The following RC3H2 variants were observed in gnomAD, a reference collection of about 807,000 sequenced individuals.
RC3H2 encodes the protein roquin-2.
In RC3H2, 31 loss-of-function variants were observed where a neutral mutation model predicts 133.3. That is an observed-to-expected ratio of 0.23 (90% CI 0.17 to 0.31). The LOEUF is 0.31. Ranked by LOEUF, RC3H2 falls within the 10% of genes least tolerant of loss-of-function variation. The pLI is 1.00. For missense variants in RC3H2, 1,175 were observed against 1,437.2 expected (o/e 0.82, Z 2.95); for synonymous variants, 517 against 502.2 (o/e 1.03, Z -0.40).
chr9:122,852,221 C>T (rs1183303121), intron 18 of RC3H2, among the ~76,000 whole-genome samples: 6 of 151,148 alleles, frequency 4.0e-5, no homozygotes, highest in South Asian at 2.1e-4. Context: ...CGTCTCTGCC[C>T]GGCCGCCCCG....
chr9:122,855,638 T>TATGA lies in RC3H2; in HGVS notation c.2601+90_2601+93dup, dbSNP rs1399339316. On this transcript the variant is annotated intron_variant, in intron 14 of 20. Transcript: ENST00000357244. ...CTGCTACTGAGTTATAAGGCAACAA[T>TATGA]ATGAATGAATGAATAGAAAACATTC... is the stretch of plus-strand genomic sequence containing the variant. 5.8e-6 allele frequency: 8 copies of TATGA among 1,385,526 alleles called. No homozygotes were observed. The African/African-American group carries it at 7.2e-5, about 13-fold the overall frequency. 85.8% of individuals were successfully genotyped at this position (1,385,526 alleles called of 1,614,324 possible).
At chr9:122,876,098 G>T (rs1375844084) in intron 9 of RC3H2, among the ~76,000 whole-genome samples, 1 of 152,160 alleles carries the variant, frequency 6.6e-6, no homozygotes, top group Non-Finnish European at 1.5e-5. Flanking sequence ...GAAGAATAAA[G>T]AACTGAGAAA....
chr9:122,864,570 A>T (rs938627151), intron 10 of RC3H2, among the ~76,000 whole-genome samples: 3 of 152,146 alleles, frequency 2.0e-5, no homozygotes, highest in Admixed American at 1.3e-4. Context: ...AACAGCTGGG[A>T]AACCATGAGC....
chr9:122,868,257 G>T (rs1337127642), intron 9 of RC3H2, among the ~76,000 whole-genome samples: 1 of 152,248 alleles, frequency 6.6e-6, no homozygotes, highest in Non-Finnish European at 1.5e-5. Flanking sequence ...ACAGCTCATT[G>T]AGAACGGGCC....
At chr9:122,893,293 G>T (rs1376376137) in intron 2 of RC3H2, among the ~76,000 whole-genome samples, 1 of 152,116 alleles carries the variant, frequency 6.6e-6, no homozygotes, top group Non-Finnish European at 1.5e-5. Flanking sequence ...AGGAGTTTGA[G>T]ACCAGCCTGG....
intron 18 of RC3H2, among the ~76,000 whole-genome samples, chr9:122,852,480 T>C (rs1414336252): frequency 1.5e-5 from 2 of 135,596 alleles, no homozygotes; most frequent in African/African-American, 5.7e-5. Context: ...CCGCCCCTAC[T>C]GGGAAGTGAG....
At chr9:122,861,174 T>C (rs1316314418) in intron 10 of RC3H2, among the ~76,000 whole-genome samples, 2 of 152,178 alleles carry the variant, frequency 1.3e-5, no homozygotes, top group Non-Finnish European at 1.5e-5. Context: ...AAGGATCTTA[T>C]GGCTTTCTTA....
Position 122,880,038 on chromosome 9 carries a change from G to A in RC3H2, c.1048C>T (p.Leu350=), listed in dbSNP as rs199593875. 1,098 of 1,614,172 alleles carry A rather than the reference G, an allele frequency of 6.8e-4. 4 individuals carry two copies. In the Middle Eastern group the frequency reaches 0.014, roughly 21 times the overall value. The change falls in exon 7 of 21, where the codon CTG becomes TTG. Residue 350 remains leucine (L), a synonymous_variant. Transcript: ENST00000357244. ...RTGDPANLNR[L]RPHLELLANI... is the part of the protein sequence containing the mutation. ...GCAAGAAGCTCTAAATGAGGCCTCA[G>A]TCTATTTAAGTTAGCTGGGTCACCT...
intron 20 of RC3H2, among the ~76,000 whole-genome samples, chr9:122,850,697 A>C (rs1263830363): frequency 6.6e-6 from 1 of 152,146 alleles, no homozygotes; most frequent in East Asian, 1.9e-4. Context: ...TCAGCCTTCC[A>C]AAGTGCTGGG....
chr9:122,850,716 C>T (rs1829990434), intron 20 of RC3H2, among the ~76,000 whole-genome samples: 1 of 152,104 alleles, frequency 6.6e-6, no homozygotes, highest in Admixed American at 6.5e-5. Flanking sequence ...GGATTACAGC[C>T]ATGAGCCACT....
At chr9:122,884,724 G>A (rs1350277204) in intron 4 of RC3H2, among the ~76,000 whole-genome samples, 1 of 151,884 alleles carries the variant, frequency 6.6e-6, no homozygotes, top group Non-Finnish European at 1.5e-5. Flanking sequence ...ATGGTGGCGT[G>A]CATCTGTAGT....
chr9:122,852,605 C>A (rs572638301), intron 18 of RC3H2, among the ~76,000 whole-genome samples: 1 of 149,136 alleles, frequency 6.7e-6, no homozygotes, highest in Non-Finnish European at 1.5e-5. Context: ...CCCGGCCCGG[C>A]CAGCCGCCCT....
At chr9:122,859,183 C>T in intron 11 of RC3H2, 81 bp from the exon 12 acceptor site, 1 of 1,128,266 alleles carries the variant, frequency 8.9e-7, no homozygotes, top group Non-Finnish European at 1.2e-6. Flanking sequence ...TAAGGCAGCC[C>T]TTAATGTAGG....
Position 122,858,104 on chromosome 9 carries a change from A to G in RC3H2, c.2284-11T>C, listed in dbSNP as rs2131392531. ...ATGACCACAAGGTTCCTAATGGGGG[A>G]TAAAAGAAACAATCTTAATCATCTA... On this transcript the variant is annotated splice_polypyrimidine_tract_variant and intron_variant, in intron 12 of 20. Coordinates refer to ENST00000357244, the MANE Select transcript of RC3H2 (RefSeq NM_001100588.3). 6.2e-7 allele frequency: 1 copy of G among 1,612,790 alleles called. No homozygotes were observed. The highest frequency in any genetic ancestry group is 8.5e-7 in the Non-Finnish European group (1 of 1,179,426).
Position 122,890,395 on chromosome 9 carries a change from A to G in RC3H2, c.500T>C (p.Ile167Thr). The G allele has an allele frequency of 6.2e-7, 1 of 1,614,102 alleles. No homozygotes were observed. Among genetic ancestry groups the G allele is most frequent in the African/African-American group, 1.3e-5 (1 of 75,000 alleles). The change falls in exon 4 of 21, where the codon ATA (isoleucine) becomes ACA (threonine). Residue 167 changes from isoleucine to threonine, a missense_variant. By Grantham distance (89) the Ile-to-Thr change is moderately conservative. Transcript: ENST00000357244. The stretch of plus-strand genomic sequence containing the variant: ...CTGCTGAGGGTTCTGGTGCTGTAAT[A>G]TCAGTTCTGTTACAGTTCTTTCTCC... ...SLGERTVTEL[I>T]LQHQNPQQLS...
At chr9:122,893,184 C>G (rs781661703) in intron 2 of RC3H2, among the ~76,000 whole-genome samples, 158 bp from the exon 3 acceptor site, 3 of 152,110 alleles carry the variant, frequency 2.0e-5, no homozygotes, top group Non-Finnish European at 2.9e-5. Context: ...AACACCTAGC[C>G]AAACTGCTTT....
Position 122,850,929 on chromosome 9 carries a change from T to A in RC3H2, c.3380+152A>T, listed in dbSNP as rs1183092079. On this transcript the variant is annotated intron_variant, in intron 20 of 20. Coordinates refer to ENST00000357244, the MANE Select transcript of RC3H2 (RefSeq NM_001100588.3). ...AATGGACTGCTTTGTTAGTTCAATT[T>A]TACTTTTTCTTCCCTAAAAATCCAG... The A allele has an allele frequency of 5.0e-6, 4 of 800,792 alleles. No homozygotes were observed. In the East Asian group the frequency reaches 7.4e-5, roughly 15 times the overall value. The allele number at this position is 800,792 out of a possible 1,614,324, so 49.6% of individuals were successfully genotyped here.
In RC3H2 at chr9:122,868,875, G is replaced by A. The variant is rs866643275; in HGVS notation, c.1326-3218C>T. Among the ~76,000 whole-genome samples, 24 of 15,124 alleles carry A rather than the reference G, an allele frequency of 1.6e-3. 1 individual carries two copies. The highest frequency in any genetic ancestry group is 4.8e-3 in the South Asian group (1 of 210). The allele number at this position is 15,124 out of a possible 152,430, so 9.9% of individuals were successfully genotyped here. Reference sequence around the variant, plus strand: ...TGTGTGTGTGTGTGTGTGTGTGTGTGTGTGTGTGTGTGTGTATGTGTTTTT... The same window carrying A: ...TGTGTGTGTGTGTGTGTGTGTGTGTATGTGTGTGTGTGTGTATGTGTTTTT... On this transcript the variant is annotated intron_variant, in intron 9 of 20. Transcript: ENST00000357244.
chr9:122,880,459 A>C, intron 6 of RC3H2, 135 bp downstream of exon 6: 2 of 755,954 alleles, frequency 2.6e-6, no homozygotes, highest in South Asian at 1.8e-5. Flanking sequence ...AAAAGAAAAT[A>C]AGGATAATTT....
Sources: gnomAD v4.1 joint callset for allele counts (sites outside exome capture counted in the v4.1 genomes callset) on GRCh38, gnomAD v4.1.1 for gene constraint, MANE v1.5 for transcripts, NCBI Gene and HGNC (gene_info 2026-07-23, HGNC 2026-07-21) for gene names.